Variants in PGR observed in about 807,000 individuals in gnomAD.
The protein encoded by PGR is progesterone receptor, also known as nuclear receptor subfamily 3 group C member 3.
In PGR, 25 loss-of-function variants were observed where a neutral mutation model predicts 76.1. The ratio of observed to expected loss-of-function variants is 0.33; its 90% CI spans 0.24 to 0.46. The LOEUF (loss-of-function observed/expected upper bound fraction) is 0.46. Among genes scored for constraint, PGR ranks in the 20% least tolerant of loss-of-function variants. PGR has a pLI of 1.00. For missense variants in PGR, 1,172 were observed against 1,225.3 expected, an observed-to-expected ratio of 0.96 and a Z score of 0.65; for synonymous variants, 579 against 535.0, an observed-to-expected ratio of 1.08 and a Z score of -1.14.
intron 2 of PGR, among the ~76,000 whole-genome samples, chr11:101,102,347 C>G (rs956915696): frequency 2.0e-5 from 3 of 152,092 alleles, no homozygotes; most frequent in African/African-American, 2.4e-5. Context: ...AATTTTGGAG[C>G]CTTAAGAGGT....
At position 101,091,749 on chromosome 11, in the gene PGR, A is replaced by G; in HGVS notation, c.1906+11T>C. On this transcript the variant is annotated intron_variant, in intron 3 of 7. Coordinates refer to ENST00000325455, the MANE Select transcript of PGR (RefSeq NM_000926.4). The stretch of plus-strand genomic sequence containing the variant: ...TACACAGTATATTATTGATGAAAAC[A>G]TCAGAATTACCTCCAAGGACCATGC... 3 of 1,333,610 alleles carry G rather than the reference A, an allele frequency of 2.2e-6. No homozygotes were observed. The highest frequency in any genetic ancestry group is 3.2e-6 in the Non-Finnish European group (3 of 923,918). The allele number at this position is 1,333,610 out of a possible 1,614,324, so 82.6% of individuals were successfully genotyped here. A position where few individuals can be genotyped will look rare whatever the true frequency, so the allele number is the denominator to read the frequency against.
intron 3 of PGR, among the ~76,000 whole-genome samples, chr11:101,068,057 C>T (rs1032719242): frequency 3.3e-5 from 5 of 152,064 alleles, no homozygotes; most frequent in African/African-American, 1.2e-4. Flanking sequence ...TGATAATATT[C>T]ATATTTTCTT....
chr11:101,111,130 C>T lies in PGR; in HGVS notation c.1789+14877G>A, dbSNP rs150639307. 2.5e-4 allele frequency among the ~76,000 whole-genome samples: 38 copies of T among 152,236 alleles called. 1 individual carries two copies. Among genetic ancestry groups the T allele is most frequent in the Admixed American group, 7.9e-4 (12 of 15,284 alleles). On this transcript the variant is annotated intron_variant, in intron 2 of 7. Transcript: ENST00000325455. The stretch of plus-strand genomic sequence containing the variant: ...TTGTAGTTGTCTAGAACAGAACCTG[C>T]GATATCTCTAAGGTATGCCTATAAC...
Position 101,128,132 on chromosome 11 carries a change from G to C in PGR, c.939C>G (p.His313Gln). The C allele has an allele frequency of 6.3e-7, 1 of 1,598,430 alleles. No homozygotes were observed. Among genetic ancestry groups the C allele is most frequent in the Non-Finnish European group, 8.5e-7 (1 of 1,179,726 alleles). The stretch of plus-strand genomic sequence containing the variant: ...GCCGAGTGCGGGCTGCCAATAAGGC[G>C]TGATTGAGAGGCAGGATAGGCACGT... ...FIHVPILPLN[H>Q]ALLAARTRQL... The change falls in exon 1 of 8, where the codon CAC (histidine) becomes CAG (glutamine). Residue 313 changes from histidine to glutamine, a missense_variant. Transcript: ENST00000325455.
chr11:101,062,348 T>C lies in PGR; in HGVS notation c.2212+99A>G, dbSNP rs970584780. 17 of 880,892 alleles carry C rather than the reference T, an allele frequency of 1.9e-5. 1 individual carries two copies. In the South Asian group the frequency reaches 2.0e-4, roughly 10 times the overall value. The allele number at this position is 880,892 out of a possible 1,614,324, so 54.6% of individuals were successfully genotyped here. ...TACTATCACATACTGTTTTATATTG[T>C]AGTTAATTTACTGCATAGAGTGTTT... On this transcript the variant is annotated intron_variant, in intron 4 of 7. Transcript: ENST00000325455.
chr11:101,127,338 G>T, intron 1 of PGR, 96 bp downstream of exon 1: 1 of 913,694 alleles, frequency 1.1e-6, no homozygotes, highest in Non-Finnish European at 1.5e-6. Context: ...GGAGCGCAGC[G>T]GTGCGCTGGG....
At chr11:101,079,377 C>T (rs1477480925) in intron 3 of PGR, among the ~76,000 whole-genome samples, 1 of 150,866 alleles carries the variant, frequency 6.6e-6, no homozygotes, top group Non-Finnish European at 1.5e-5. Flanking sequence ...ATTCATCTGA[C>T]AAGGAGTTAA....
chr11:101,089,631 G>A (rs1474370113), intron 3 of PGR, among the ~76,000 whole-genome samples: 5 of 142,250 alleles, frequency 3.5e-5, no homozygotes, highest in Non-Finnish European at 7.7e-5. Context: ...GAAAGGGCTC[G>A]ATATACAGTT....
At chr11:101,073,328 T>A (rs192984363) in intron 3 of PGR, among the ~76,000 whole-genome samples, 374 of 152,080 alleles carry the variant, frequency 2.5e-3, no homozygotes, top group Middle Eastern at 6.8e-3. Flanking sequence ...TAAAGCAGTG[T>A]TTGTTTAGAG....
chr11:101,127,800 G>A lies in PGR; in HGVS notation c.1271C>T (p.Pro424Leu). ...FPDFPLGPPP[P>L]LPPRATPSRP... is the part of the protein sequence containing the mutation. The stretch of plus-strand genomic sequence containing the variant: ...GGATGGGGTCGCTCGCGGCGGCAGC[G>A]GGGGCGGTGGCCCCAACGGGAAATC... The change falls in exon 1 of 8, where the codon CCG (proline) becomes CTG (leucine). Residue 424 changes from proline (P) to leucine (L), a missense_variant. Physicochemically the swap from Pro to Leu is moderately conservative, Grantham distance 98. Transcript: ENST00000325455. 1 of 1,567,130 alleles carries A rather than the reference G, an allele frequency of 6.4e-7. No homozygotes were observed. The highest frequency in any genetic ancestry group is 1.1e-5 in the South Asian group (1 of 87,456).
intron 4 of PGR, among the ~76,000 whole-genome samples, chr11:101,057,923 G>A (rs898420509): frequency 3.3e-5 from 5 of 152,170 alleles, no homozygotes; most frequent in Admixed American, 6.5e-5. Flanking sequence ...AGGAGTCATC[G>A]AAATATAGTG....
At chr11:101,066,658 T>C (rs1371204040) in intron 3 of PGR, among the ~76,000 whole-genome samples, 1 of 152,224 alleles carries the variant, frequency 6.6e-6, no homozygotes, top group Non-Finnish European at 1.5e-5. Flanking sequence ...AGCAGAACTT[T>C]GATGCATTGG....
At chr11:101,127,409 G>A (rs765546718) in intron 1 of PGR, 25 bp downstream of exon 1, 23 of 1,512,216 alleles carry the variant, frequency 1.5e-5, no homozygotes, top group Non-Finnish European at 2.0e-5. Flanking sequence ...GGACGCGCTG[G>A]GCGTGCCCCG....
chr11:101,048,601 A>T (rs1859973491), intron 6 of PGR, among the ~76,000 whole-genome samples: 1 of 152,158 alleles, frequency 6.6e-6, no homozygotes, highest in South Asian at 2.1e-4. Context: ...CCAATATAAA[A>T]GATACGAATG....
At chr11:101,116,219 T>G (rs866104744) in intron 2 of PGR, among the ~76,000 whole-genome samples, 32 of 152,232 alleles carry the variant, frequency 2.1e-4, no homozygotes, top group Admixed American at 6.5e-4. Context: ...AAGGATTCCT[T>G]AATTCATGAT....
At chr11:101,045,895 T>A (rs1424632808) in intron 6 of PGR, among the ~76,000 whole-genome samples, 3 of 152,136 alleles carry the variant, frequency 2.0e-5, no homozygotes, top group Non-Finnish European at 2.9e-5. Context: ...GTAGTTATAT[T>A]TATAGTTTTT....
intron 3 of PGR, among the ~76,000 whole-genome samples, chr11:101,079,732 C>T (rs1251633136): frequency 1.3e-5 from 2 of 152,176 alleles, no homozygotes; most frequent in Admixed American, 6.5e-5. Flanking sequence ...AGAACTACCA[C>T]GTGATGCAGC....
chr11:101,078,913 G>A (rs897749771), intron 3 of PGR, among the ~76,000 whole-genome samples: 2 of 152,072 alleles, frequency 1.3e-5, no homozygotes, highest in African/African-American at 4.8e-5. Context: ...ATAACAGCAT[G>A]ATATTGGTAT....
At position 101,039,051 on chromosome 11, in the gene PGR, A is replaced by G. The variant is rs1336077102; in HGVS notation, c.*65T>C. On this transcript the variant is annotated 3_prime_UTR_variant, in exon 8 of 8. Coordinates refer to ENST00000325455, the MANE Select transcript of PGR (RefSeq NM_000926.4). ...GAACATTATAAAAACTCAAGACCTC[A>G]TAATCCTGACCAAAACAAAAAGACA... 1.1e-5 allele frequency: 14 copies of G among 1,311,942 alleles called. No individual in the cohort carries two copies. The highest frequency in any genetic ancestry group is 1.9e-4 in the Middle Eastern group (1 of 5,382). 81.3% of individuals were successfully genotyped at this position (1,311,942 alleles called of 1,614,324 possible). A position where few individuals can be genotyped will look rare whatever the true frequency, so the allele number is the denominator to read the frequency against.
Sources: gnomAD v4.1 joint callset for allele counts (sites outside exome capture counted in the v4.1 genomes callset) on GRCh38, gnomAD v4.1.1 for gene constraint, MANE v1.5 for transcripts, NCBI Gene and HGNC (gene_info 2026-07-23, HGNC 2026-07-21) for gene names.